Variants in KIF1B observed in about 807,000 individuals in gnomAD.
KIF1B encodes the protein kinesin family member 1B.
A neutral mutation model predicts 241.9 loss-of-function variants in KIF1B; 76 were observed. The observed-to-expected ratio is 0.31, with a 90% CI of 0.26 to 0.38. The LOEUF (loss-of-function observed/expected upper bound fraction) is 0.38, where lower values mean the gene tolerates loss of function less well. KIF1B is among the 10% of genes least tolerant of loss of function. The pLI is 1.00. For missense variants in KIF1B, 1,622 were observed against 2,271.4 expected (o/e 0.71, Z 5.81); for synonymous variants, 750 against 796.7 (o/e 0.94, Z 0.99).
intron 22 of KIF1B, chr1:10,307,717 TA>T (rs1650898298): frequency 9.8e-7 from 1 of 1,025,266 alleles, no homozygotes; most frequent in African/African-American, 1.7e-5. Flanking sequence ...CCCTAGCTAT[TA>T]TTATAGCAAA....
At chr1:10,244,999 C>T (rs923715293) in intron 2 of KIF1B, among the ~76,000 whole-genome samples, 4 of 152,148 alleles carry the variant, frequency 2.6e-5, no homozygotes, top group Non-Finnish European at 4.4e-5. Flanking sequence ...AAGCCCTAAA[C>T]GTGCTTGGTT....
rs1023053661 is a variant in KIF1B at position 10,310,712 on chromosome 1, C to T, written c.2116-9331C>T. Among the ~76,000 whole-genome samples the T allele has an allele frequency of 3.7e-4, 56 of 151,570 alleles. 2 individuals carry two copies. Among genetic ancestry groups the T allele is most frequent in the African/African-American group, 1.2e-3 (48 of 40,904 alleles). The stretch of plus-strand genomic sequence containing the variant: ...AGTTGCTGGGATGAGTGGTAAGTGA[C>T]AAATGTGTGGTCCCTGGCCTCATAA... On this transcript the variant is annotated intron_variant, in intron 22 of 48. Coordinates refer to ENST00000676179, the MANE Select transcript of KIF1B (RefSeq NM_001365951.3).
intron 33 of KIF1B, 29 bp downstream of exon 33, chr1:10,342,197 A>C (rs1652422560): frequency 1.5e-6 from 2 of 1,354,338 alleles, no homozygotes; most frequent in Non-Finnish European, 2.1e-6. Flanking sequence ...AACATTTTTG[A>C]TGGTATTGTT....
chr1:10,212,916 A>G (rs67518889), intron 1 of KIF1B, among the ~76,000 whole-genome samples: 33,129 of 122,004 alleles, frequency 0.27, 4,699 homozygotes, highest in Admixed American at 0.33. Context: ...ATATATATAT[A>G]TATATATATA....
chr1:10,345,562 G>A (rs961005765), intron 34 of KIF1B: 10 of 398,906 alleles, frequency 2.5e-5, no homozygotes, highest in African/African-American at 2.1e-4. Flanking sequence ...AAGGTTTCAT[G>A]AGCACATTTA....
chr1:10,369,987 C>T (rs1638682753), intron 44 of KIF1B, among the ~76,000 whole-genome samples: 1 of 151,858 alleles, frequency 6.6e-6, no homozygotes. Context: ...GGCATGGCGG[C>T]TCATGCCTGT....
chr1:10,351,304 G>A (rs977116213), intron 37 of KIF1B, among the ~76,000 whole-genome samples: 1 of 152,032 alleles, frequency 6.6e-6, no homozygotes, highest in Non-Finnish European at 1.5e-5. Flanking sequence ...AGGAGAGGGA[G>A]GATGCAGAGG....
intron 1 of KIF1B, among the ~76,000 whole-genome samples, chr1:10,216,389 G>A (rs916238189): frequency 3.9e-5 from 6 of 152,076 alleles, no homozygotes; most frequent in Admixed American, 3.9e-4. Flanking sequence ...TAAACCGTCG[G>A]CCTCTTCCAG....
Position 10,305,528 on chromosome 1 carries a change from T to C in KIF1B, c.2115+8282T>C, listed in dbSNP as rs532279198. The C allele has an allele frequency of 6.6e-6, 7 of 1,059,834 alleles. No homozygotes were observed. The South Asian group carries it at 2.7e-4, about 41-fold the overall frequency. The allele number at this position is 1,059,834 out of a possible 1,614,324, so 65.7% of individuals were successfully genotyped here. ...TGAGAGGGAAGAGGTGGGACAGACATGGGGGACAAAGCTACAGCATATGGC... is the reference window on the plus strand; with the variant it reads ...TGAGAGGGAAGAGGTGGGACAGACACGGGGGACAAAGCTACAGCATATGGC... On this transcript the variant is annotated intron_variant, in intron 22 of 48. Coordinates refer to ENST00000676179, the MANE Select transcript of KIF1B (RefSeq NM_001365951.3).
chr1:10,259,434 C>T (rs1470243152), intron 4 of KIF1B, among the ~76,000 whole-genome samples: 1 of 151,340 alleles, frequency 6.6e-6, no homozygotes, highest in African/African-American at 2.4e-5. Context: ...CCTGCCTTAG[C>T]CTCCAGAGTA....
intron 16 of KIF1B, among the ~76,000 whole-genome samples, chr1:10,291,723 AG>A (rs1650007616): frequency 6.7e-6 from 1 of 149,660 alleles, no homozygotes; most frequent in African/African-American, 2.4e-5. Flanking sequence ...AAAAAAAAAA[AG>A]GAATAGCCTC....
At chr1:10,296,203 C>A (rs1034982960) in intron 19 of KIF1B, among the ~76,000 whole-genome samples, 9 of 152,140 alleles carry the variant, frequency 5.9e-5, no homozygotes, top group African/African-American at 2.2e-4. Context: ...TTATATAAGT[C>A]ACTCATTCCC....
Position 10,321,664 on chromosome 1 carries a change from A to G in KIF1B, c.2210-45A>G, listed in dbSNP as rs775944073. 2.3e-5 allele frequency: 36 copies of G among 1,598,518 alleles called. 1 individual carries two copies. In the South Asian group the frequency reaches 3.1e-4, roughly 14 times the overall value. ...GCTAGAAGAGAGGTGTAATTTTTAT[A>G]TAGTTGTAAGATTGCCATTAAATAT... On this transcript the variant is annotated intron_variant, in intron 23 of 48. Transcript: ENST00000676179.
chr1:10,232,601 A>G (rs896568248), intron 2 of KIF1B, among the ~76,000 whole-genome samples, 167 bp downstream of exon 2: 7 of 152,184 alleles, frequency 4.6e-5, no homozygotes, highest in African/African-American at 1.7e-4. Flanking sequence ...TTGCTATAGT[A>G]TATTTAAATA....
rs371391107 is a variant in KIF1B, at chr1:10,294,066, A to C, written c.1591-1020A>C. On this transcript the variant is annotated intron_variant, in intron 17 of 48. Transcript: ENST00000676179. ...GTGGAGGTTTTTCAGATTTCTCTTT[A>C]ACCATCTTTTATAGTTCCTTTTCCT... 3.9e-5 allele frequency among the ~76,000 whole-genome samples: 6 copies of C among 152,266 alleles called. No homozygotes were observed. The South Asian group carries it at 1.2e-3, about 32-fold the overall frequency.
At chr1:10,335,242 G>A (rs908939307) in intron 28 of KIF1B, among the ~76,000 whole-genome samples, 3 of 151,990 alleles carry the variant, frequency 2.0e-5, no homozygotes, top group East Asian at 1.9e-4. Context: ...CATTGCACCC[G>A]GCCAGTCATT....
chr1:10,255,993 G>T (rs1319853993), intron 2 of KIF1B, among the ~76,000 whole-genome samples: 10 of 150,066 alleles, frequency 6.7e-5, no homozygotes. Flanking sequence ...ATTTGTTGTA[G>T]AGACAGGGTT....
intron 22 of KIF1B, among the ~76,000 whole-genome samples, chr1:10,314,408 T>G (rs2102286588): frequency 6.6e-6 from 1 of 151,308 alleles, no homozygotes; most frequent in Middle Eastern, 3.4e-3. Flanking sequence ...AGTTAAAGTT[T>G]TTTGTTTGTT....
intron 1 of KIF1B, among the ~76,000 whole-genome samples, chr1:10,211,401 T>C (rs1326299598): frequency 6.6e-6 from 1 of 151,872 alleles, no homozygotes; most frequent in Non-Finnish European, 1.5e-5. Context: ...AGGGGTGCGA[T>C]AGGAAGGGAG....
Sources: gnomAD v4.1 joint callset for allele counts (sites outside exome capture counted in the v4.1 genomes callset) on GRCh38, gnomAD v4.1.1 for gene constraint, MANE v1.5 for transcripts, NCBI Gene and HGNC (gene_info 2026-07-23, HGNC 2026-07-21) for gene names.